Variants in SLC17A8 observed in about 807,000 individuals in gnomAD.
The protein encoded by SLC17A8 is vesicular glutamate transporter 3.
Under a neutral mutation model 58.0 loss-of-function variants are expected in SLC17A8, and 31 were observed. That is an observed-to-expected ratio of 0.53 (90% confidence interval 0.40 to 0.72). The LOEUF (loss-of-function observed/expected upper bound fraction) is 0.72, where lower values mean the gene tolerates loss of function less well. Ranked by LOEUF, SLC17A8 falls within the 30% of genes least tolerant of loss-of-function variation. The probability of loss-of-function intolerance (pLI) is 0.00; values close to 1 mark genes in which losing one functional copy is unlikely to be tolerated. For missense variants in SLC17A8, 655 were observed against 727.8 expected (o/e 0.90, Z 1.15); for synonymous variants, 228 against 249.0 (o/e 0.92, Z 0.79).
At chr12:100,372,315 A>G (rs1952564067) in intron 1 of SLC17A8, among the ~76,000 whole-genome samples, 2 of 151,422 alleles carry the variant, frequency 1.3e-5, no homozygotes, top group Admixed American at 1.3e-4. Flanking sequence ...ATGCATATGC[A>G]TCCCTGGTGT....
intron 5 of SLC17A8, among the ~76,000 whole-genome samples, chr12:100,400,193 C>T (rs948106626): frequency 2.0e-5 from 3 of 152,144 alleles, no homozygotes; most frequent in African/African-American, 7.2e-5. Flanking sequence ...ACCCACCCCA[C>T]CTCCCAGGGT....
At chr12:100,415,433 C>CAA (rs71303557) in intron 10 of SLC17A8, among the ~76,000 whole-genome samples, 10,968 of 130,558 alleles carry the variant, frequency 0.084, 679 homozygotes, top group East Asian at 0.24. Context: ...GATTCTGTCT[C>CAA]AAAAAAAAAA....
chr12:100,365,754 C>T (rs1297856917), intron 1 of SLC17A8, among the ~76,000 whole-genome samples: 4 of 152,180 alleles, frequency 2.6e-5, no homozygotes, highest in African/African-American at 9.7e-5. Flanking sequence ...GCACACATGT[C>T]TTACTGAGGC....
intron 1 of SLC17A8, among the ~76,000 whole-genome samples, chr12:100,373,425 G>C (rs1341805447): frequency 6.6e-6 from 1 of 152,036 alleles, no homozygotes; most frequent in Non-Finnish European, 1.5e-5. Flanking sequence ...TTCAAGCCAG[G>C]AGTGATGTCT....
At chr12:100,412,603 A>C (rs899661077) in intron 9 of SLC17A8, among the ~76,000 whole-genome samples, 167 bp from the exon 10 acceptor site, 4 of 151,756 alleles carry the variant, frequency 2.6e-5, no homozygotes, top group Non-Finnish European at 5.9e-5. Flanking sequence ...AAAAAAAAAA[A>C]AAAAAAAACT....
intron 9 of SLC17A8, among the ~76,000 whole-genome samples, chr12:100,412,057 G>A (rs987718803): frequency 1.3e-5 from 2 of 152,068 alleles, no homozygotes; most frequent in Non-Finnish European, 1.5e-5. Flanking sequence ...ACTAGTCAAA[G>A]GGGAATCATT....
chr12:100,417,933 A>G, intron 10 of SLC17A8, 96 bp from the exon 11 acceptor site: 1 of 1,530,608 alleles, frequency 6.5e-7, no homozygotes, highest in South Asian at 1.1e-5. Flanking sequence ...GAGGAAACCA[A>G]ACAGATTGGT....
intron 1 of SLC17A8, among the ~76,000 whole-genome samples, chr12:100,364,085 G>T: frequency 6.7e-6 from 1 of 150,114 alleles, no homozygotes; most frequent in Non-Finnish European, 1.5e-5. Flanking sequence ...TTTAGCTCTG[G>T]CAGGCTGTCA....
intron 11 of SLC17A8, 101 bp downstream of exon 11, chr12:100,418,257 G>A: frequency 6.9e-7 from 1 of 1,449,120 alleles, no homozygotes; most frequent in Non-Finnish European, 9.6e-7. Flanking sequence ...AAATGTGTAT[G>A]TCCTTGACCT....
At chr12:100,375,681 A>C (rs950983806) in intron 1 of SLC17A8, among the ~76,000 whole-genome samples, 1 of 152,218 alleles carries the variant, frequency 6.6e-6, no homozygotes, top group Non-Finnish European at 1.5e-5. Context: ...ATCTGCATGT[A>C]TATAGAGAGC....
intron 2 of SLC17A8, among the ~76,000 whole-genome samples, chr12:100,384,616 G>A (rs1284670170): frequency 6.6e-6 from 1 of 152,170 alleles, no homozygotes; most frequent in East Asian, 1.9e-4. Flanking sequence ...TTGTAGGGCT[G>A]TAAGAGGATC....
chr12:100,371,978 G>A (rs1477039783), intron 1 of SLC17A8, among the ~76,000 whole-genome samples: 1 of 152,188 alleles, frequency 6.6e-6, no homozygotes. Flanking sequence ...ATATTTTATA[G>A]AAACCTCGTG....
At chr12:100,358,594 CA>C (rs1952463734) in intron 1 of SLC17A8, among the ~76,000 whole-genome samples, 1 of 151,802 alleles carries the variant, frequency 6.6e-6, no homozygotes, top group Non-Finnish European at 1.5e-5. Flanking sequence ...AAGCTTCAAT[CA>C]GACCTACACT....
At chr12:100,403,123 C>T (rs966448086) in intron 8 of SLC17A8, among the ~76,000 whole-genome samples, 4 of 152,166 alleles carry the variant, frequency 2.6e-5, no homozygotes, top group African/African-American at 9.7e-5. Context: ...TTTTGCAGAA[C>T]ACCCCTTCTC....
chr12:100,401,636 G>A (rs1199170654), intron 5 of SLC17A8, 141 bp from the exon 6 acceptor site: 1 of 739,152 alleles, frequency 1.4e-6, no homozygotes, highest in Non-Finnish European at 2.4e-6. Flanking sequence ...TGGCACACTG[G>A]GAGTTTGCCT....
chr12:100,377,803 G>C (rs1405439348), intron 1 of SLC17A8, among the ~76,000 whole-genome samples: 1 of 151,990 alleles, frequency 6.6e-6, no homozygotes, highest in Admixed American at 6.6e-5. Context: ...GGCCAGGCTG[G>C]TCTCGAACTC....
chr12:100,411,787 G>T (rs1259862859), intron 9 of SLC17A8, among the ~76,000 whole-genome samples: 1 of 151,312 alleles, frequency 6.6e-6, no homozygotes, highest in Non-Finnish European at 1.5e-5. Flanking sequence ...CTGAATGAAA[G>T]GAACAGAAAG....
At chr12:100,364,878 C>T (rs12316358) in intron 1 of SLC17A8, among the ~76,000 whole-genome samples, 6,140 of 152,316 alleles carry the variant, frequency 0.04, 197 homozygotes, top group African/African-American at 0.086. Flanking sequence ...CACTGTCCTT[C>T]AGGGCCATCC....
At chr12:100,381,594 G>A (rs1393041392) in intron 2 of SLC17A8, among the ~76,000 whole-genome samples, 3 of 151,570 alleles carry the variant, frequency 2.0e-5, no homozygotes, top group African/African-American at 7.3e-5. Context: ...GAGAGAGAAC[G>A]TACACATGCT....
Sources: gnomAD v4.1 joint callset for allele counts (sites outside exome capture counted in the v4.1 genomes callset) on GRCh38, gnomAD v4.1.1 for gene constraint, MANE v1.5 for transcripts, NCBI Gene and HGNC (gene_info 2026-07-23, HGNC 2026-07-21) for gene names.